The following CLEC16A variants were observed in gnomAD, a reference collection of about 807,000 sequenced individuals.
CLEC16A encodes protein CLEC16A.
CLEC16A carries 51 observed loss-of-function variants against 109.5 expected under a neutral mutation model. The ratio of observed to expected loss-of-function variants is 0.47; its 90% CI spans 0.37 to 0.59. CLEC16A has a LOEUF of 0.59. Ranked by LOEUF, CLEC16A falls within the 20% of genes least tolerant of loss-of-function variation. The pLI is 0.00. For synonymous variants in CLEC16A, 673 were observed against 564.2 expected (o/e 1.19, Z -2.73); for missense variants, 1,339 against 1,394.0 (o/e 0.96, Z 0.63).
intron 23 of CLEC16A, among the ~76,000 whole-genome samples, chr16:11,169,680 AG>A (rs1476872840): frequency 6.6e-6 from 1 of 152,240 alleles, no homozygotes; most frequent in Non-Finnish European, 1.5e-5. Flanking sequence ...AGTTTTCCAT[AG>A]CTCTAGCCCA....
intron 11 of CLEC16A, among the ~76,000 whole-genome samples, chr16:11,013,455 C>T (rs891322840): frequency 6.6e-6 from 1 of 151,972 alleles, no homozygotes; most frequent in Non-Finnish European, 1.5e-5. Flanking sequence ...ATGGTGAAAC[C>T]CCATCTCTGC....
At chr16:11,013,938 CAAAAA>C (rs1202787620) in intron 11 of CLEC16A, among the ~76,000 whole-genome samples, 2 of 150,998 alleles carry the variant, frequency 1.3e-5, no homozygotes, top group East Asian at 3.9e-4. Flanking sequence ...GACTCTGTCT[CAAAAA>C]AAAGAAGAAG....
chr16:11,007,553 C>T (rs141648426), intron 11 of CLEC16A, among the ~76,000 whole-genome samples: 3,523 of 152,282 alleles, frequency 0.023, 58 homozygotes, highest in Non-Finnish European at 0.036. Flanking sequence ...CTTCCTAATG[C>T]CTGGGCCTCA....
At chr16:11,091,820 C>T (rs560638008) in intron 19 of CLEC16A, among the ~76,000 whole-genome samples, 4 of 152,238 alleles carry the variant, frequency 2.6e-5, no homozygotes, top group South Asian at 2.1e-4. Context: ...TGGTAACCCA[C>T]GGGTAGCTGA....
At chr16:11,062,322 C>CA (rs1252455165) in intron 19 of CLEC16A, among the ~76,000 whole-genome samples, 11 of 152,150 alleles carry the variant, frequency 7.2e-5, no homozygotes, top group Admixed American at 4.6e-4. Flanking sequence ...AATTTATATA[C>CA]AAAAAAACTC....
At chr16:11,176,551 A>G (rs547718114) in intron 23 of CLEC16A, among the ~76,000 whole-genome samples, 73 of 152,320 alleles carry the variant, frequency 4.8e-4, no homozygotes, top group African/African-American at 1.6e-3. Context: ...AGCCTGGGCA[A>G]CGTAATGAGA....
intron 1 of CLEC16A, among the ~76,000 whole-genome samples, chr16:10,947,310 G>T (rs1049639265): frequency 6.6e-5 from 10 of 152,202 alleles, no homozygotes; most frequent in African/African-American, 2.4e-4. Flanking sequence ...TAAACATCTT[G>T]GGTCTTGGGT....
chr16:11,173,906 G>A (rs2068632052), intron 23 of CLEC16A, among the ~76,000 whole-genome samples: 1 of 152,190 alleles, frequency 6.6e-6, no homozygotes, highest in African/African-American at 2.4e-5. Flanking sequence ...AGTTGCACGA[G>A]TGAACAATTT....
intron 19 of CLEC16A, among the ~76,000 whole-genome samples, chr16:11,096,298 T>C (rs1466834346): frequency 2.0e-4 from 31 of 152,102 alleles, no homozygotes; most frequent in Admixed American, 2.0e-3. Context: ...TGAGCTGTGA[T>C]GGCATCACCG....
In CLEC16A at chr16:11,049,262, T is replaced by C. The variant is rs1029154055; in HGVS notation, c.1866+1920T>C. 3.3e-5 allele frequency among the ~76,000 whole-genome samples: 5 copies of C among 152,102 alleles called. No homozygotes were observed. In the South Asian group the frequency reaches 6.2e-4, roughly 19 times the overall value. Reference sequence around the variant, plus strand: ...ACCTCGTGATCCGCCCGCCTTGGCCTCCCAAAGTGGTGGAATTACAGGCGT... The same window carrying C: ...ACCTCGTGATCCGCCCGCCTTGGCCCCCCAAAGTGGTGGAATTACAGGCGT... On this transcript the variant is annotated intron_variant, in intron 17 of 23. Coordinates refer to ENST00000409790, the MANE Select transcript of CLEC16A (RefSeq NM_015226.3).
At chr16:11,151,149 G>C (rs906094761) in intron 22 of CLEC16A, among the ~76,000 whole-genome samples, 3 of 152,230 alleles carry the variant, frequency 2.0e-5, no homozygotes, top group Non-Finnish European at 4.4e-5. Flanking sequence ...GAATTTGCCA[G>C]ATTTTACTTA....
At chr16:11,086,792 G>A (rs774759383) in intron 19 of CLEC16A, among the ~76,000 whole-genome samples, 2 of 152,120 alleles carry the variant, frequency 1.3e-5, no homozygotes, top group Admixed American at 6.6e-5. Flanking sequence ...ATTGAGAGCC[G>A]AGACATTTAT....
chr16:11,019,021 T>C (rs979235605), intron 11 of CLEC16A, among the ~76,000 whole-genome samples: 3 of 152,032 alleles, frequency 2.0e-5, no homozygotes, highest in African/African-American at 2.4e-5. Flanking sequence ...GTGGCAGACG[T>C]CCCTGCATGA....
chr16:11,095,028 C>G (rs2050524375), intron 19 of CLEC16A, among the ~76,000 whole-genome samples: 1 of 152,032 alleles, frequency 6.6e-6, no homozygotes, highest in Non-Finnish European at 1.5e-5. Context: ...TCAAGCAGAA[C>G]TAGAATGAAA....
chr16:10,948,274 T>C (rs1231696499), intron 1 of CLEC16A, among the ~76,000 whole-genome samples: 1 of 152,212 alleles, frequency 6.6e-6, no homozygotes, highest in African/African-American at 2.4e-5. Context: ...TGTTTTTAGC[T>C]TCATTATTCT....
chr16:11,178,946 A>G lies in CLEC16A; in HGVS notation c.*256A>G, dbSNP rs2068874730. ...GCGAATGCAGATGACTGCACCGGCCACTCAGGGAGCTGCCTGGGCTCCGTG... is the reference window on the plus strand; with the variant it reads ...GCGAATGCAGATGACTGCACCGGCCGCTCAGGGAGCTGCCTGGGCTCCGTG... On this transcript the variant is annotated 3_prime_UTR_variant, in exon 24 of 24. Transcript: ENST00000409790. This position sits in a 1 kb window ranked among gnomAD's most constrained non-coding sequence, Gnocchi z 6.5. 2.4e-6 allele frequency: 1 copy of G among 418,588 alleles called. No individual in the cohort carries two copies. The highest frequency in any genetic ancestry group is 4.2e-6 in the Non-Finnish European group (1 of 237,236). The allele number at this position is 418,588 out of a possible 1,614,324, so 25.9% of individuals were successfully genotyped here. A position where few individuals can be genotyped will look rare whatever the true frequency, so the allele number is the denominator to read the frequency against.
rs532134055 is a variant in CLEC16A at position 10,989,954 on chromosome 16, C to T, written c.1071+6963C>T. 2.6e-5 allele frequency among the ~76,000 whole-genome samples: 4 copies of T among 152,310 alleles called. No individual in the cohort carries two copies. In the South Asian group the frequency reaches 8.3e-4, roughly 32 times the overall value. The stretch of plus-strand genomic sequence containing the variant: ...TGAATGCATCAGGCAGGATAGCACC[C>T]CTTCCGGCCAGGATTAGAGTTCCTG... On this transcript the variant is annotated intron_variant, in intron 10 of 23. Coordinates refer to ENST00000409790, the MANE Select transcript of CLEC16A (RefSeq NM_015226.3).
chr16:11,099,593 G>C (rs934011462), intron 19 of CLEC16A, among the ~76,000 whole-genome samples: 9 of 152,338 alleles, frequency 5.9e-5, no homozygotes, highest in African/African-American at 2.2e-4. Context: ...GTAAAATCAG[G>C]AAACAAGAAA....
intron 22 of CLEC16A, chr16:11,156,929 A>ACCCCCCCCCCCC: frequency 1.7e-5 from 1 of 57,366 alleles, no homozygotes; most frequent in Non-Finnish European, 3.4e-5. Context: ...CCCCCCCCCC[A>ACCCCCCCCCCCC]CCCACCCCCT....
Sources: gnomAD v4.1 joint callset for allele counts (sites outside exome capture counted in the v4.1 genomes callset) on GRCh38, gnomAD v4.1.1 for gene constraint, Gnocchi (gnomAD v3.1) non-coding constraint, MANE v1.5 for transcripts, NCBI Gene and HGNC (gene_info 2026-07-23, HGNC 2026-07-21) for gene names.